The following SPHKAP variants were observed in gnomAD, a reference collection of about 807,000 sequenced individuals.
SPHKAP encodes A-kinase anchor protein SPHKAP.
Under a neutral mutation model 137.5 loss-of-function variants are expected in SPHKAP, and 67 were observed. The ratio of observed to expected loss-of-function variants is 0.49; its 90% confidence interval spans 0.40 to 0.60. SPHKAP has a LOEUF of 0.60. Ranked by LOEUF, SPHKAP falls within the 20% of genes least tolerant of loss-of-function variation. The probability of loss-of-function intolerance (pLI) is 0.00; values close to 1 mark genes in which losing one functional copy is unlikely to be tolerated. For missense variants in SPHKAP, 2,097 were observed against 2,069.3 expected, an observed-to-expected ratio of 1.01 and a Z score of -0.26; for synonymous variants, 813 against 785.3, an observed-to-expected ratio of 1.04 and a Z score of -0.59.
rs573680000 is a variant in SPHKAP at position 228,005,634 on chromosome 2, A to T, written c.4449-9940T>A. ...TTTTGCTCGTTAGTTGATGCAGTTT[A>T]TTCCTAGCATTGATGGTCTTTACAA... is the stretch of plus-strand genomic sequence containing the variant. On this transcript the variant is annotated intron_variant, in intron 7 of 11. Coordinates refer to ENST00000392056, the MANE Select transcript of SPHKAP (RefSeq NM_001142644.2). 1.2e-4 allele frequency among the ~76,000 whole-genome samples: 19 copies of T among 152,262 alleles called. No homozygotes were observed. In the South Asian group the frequency reaches 3.9e-3, roughly 32 times the overall value.
Position 228,018,554 on chromosome 2 carries a change from T to C in SPHKAP, c.2300A>G (p.Glu767Gly), listed in dbSNP as rs990327366. 4.3e-6 allele frequency: 7 copies of C among 1,613,774 alleles called. No homozygotes were observed. The African/African-American group carries it at 9.3e-5, about 22-fold the overall frequency. Residue 767 changes from glutamate to glycine, a missense_variant, in exon 7 of 12, where the codon GAA becomes GGA. Physicochemically the swap from Glu to Gly is moderately conservative, Grantham distance 98 (BLOSUM62 -2). Transcript: ENST00000392056. ...GCTAAGTGGAGAGCTGCTGGAGGAT[T>C]CAGTGGCTTTTGTCCAAGCTTGACT... ...GASQAWTKAT[E>G]SSSSSPLSNS...
chr2:228,046,063 C>A (rs1206448273), intron 3 of SPHKAP, among the ~76,000 whole-genome samples: 1 of 151,960 alleles, frequency 6.6e-6, no homozygotes, highest in African/African-American at 2.4e-5. Flanking sequence ...ATTTTAACTG[C>A]CTTCATCCCA....
intron 3 of SPHKAP, among the ~76,000 whole-genome samples, chr2:228,029,720 C>CATAT (rs1338396580): frequency 6.6e-6 from 1 of 152,126 alleles, no homozygotes; most frequent in Admixed American, 6.5e-5. Flanking sequence ...TGATAATATT[C>CATAT]ATATAATAAT....
intron 2 of SPHKAP, chr2:228,109,403 C>T (rs1311952566): frequency 2.0e-6 from 2 of 982,834 alleles, no homozygotes; most frequent in Admixed American, 6.2e-5. Flanking sequence ...AACTAGTGTA[C>T]AATTTTTCTA....
intron 1 of SPHKAP, among the ~76,000 whole-genome samples, chr2:228,176,920 C>A (rs942866489): frequency 8.5e-5 from 13 of 152,108 alleles, no homozygotes; most frequent in Admixed American, 6.5e-4. Context: ...AAACAAAAAA[C>A]CAAATACAAT....
rs144120319 is a variant in SPHKAP, at chr2:228,168,521, A to G, written c.32+13046T>C. Among the ~76,000 whole-genome samples the G allele has an allele frequency of 2.9e-3, 437 of 152,254 alleles. 1 individual carries two copies. Among genetic ancestry groups the G allele is most frequent in the African/African-American group, 1.0e-2 (415 of 41,542 alleles). On this transcript the variant is annotated intron_variant, in intron 1 of 11. Transcript: ENST00000392056. ...GTGATTAGTGATCTTTGATGTTACT[A>G]TTGTGATTATTTTGGGGCACCACAC...
At chr2:228,118,246 T>TG (rs1482027343) in intron 2 of SPHKAP, among the ~76,000 whole-genome samples, 4 of 65,324 alleles carry the variant, frequency 6.1e-5, no homozygotes, top group East Asian at 7.5e-4. Context: ...CACAGTTTTT[T>TG]TTTTTTTTTT....
intron 1 of SPHKAP, among the ~76,000 whole-genome samples, chr2:228,149,290 A>G (rs1005296558): frequency 2.0e-5 from 3 of 152,228 alleles, no homozygotes; most frequent in African/African-American, 7.2e-5. Flanking sequence ...GCAGATCAAT[A>G]GGATATTACT....
intron 1 of SPHKAP, among the ~76,000 whole-genome samples, chr2:228,175,968 A>G (rs1700727458): frequency 2.0e-5 from 3 of 152,232 alleles, no homozygotes. Flanking sequence ...GAGTTCATTC[A>G]GCATGATGGG....
chr2:228,027,598 T>G, intron 3 of SPHKAP, 55 bp from the exon 4 acceptor site: 1 of 1,559,866 alleles, frequency 6.4e-7, no homozygotes, highest in East Asian at 2.2e-5. Context: ...ACTGTCTTTT[T>G]AGAAGAAAGA....
chr2:228,159,453 C>G (rs970373202), intron 1 of SPHKAP, among the ~76,000 whole-genome samples: 1 of 152,116 alleles, frequency 6.6e-6, no homozygotes, highest in Non-Finnish European at 1.5e-5. Context: ...AACGCACCCA[C>G]AGAAGTTAGG....
intron 11 of SPHKAP, among the ~76,000 whole-genome samples, chr2:227,989,148 G>A (rs781754614): frequency 3.3e-4 from 50 of 152,114 alleles, no homozygotes; most frequent in Admixed American, 9.8e-4. Context: ...GCTAGATTTT[G>A]GCACTGAGAA....
chr2:227,984,531 G>A (rs1693140843), intron 11 of SPHKAP, among the ~76,000 whole-genome samples: 1 of 152,102 alleles, frequency 6.6e-6, no homozygotes, highest in Non-Finnish European at 1.5e-5. Context: ...ATAATTTTGT[G>A]AGCTGTTACT....
chr2:228,114,302 A>G (rs962002159), intron 2 of SPHKAP, among the ~76,000 whole-genome samples: 2 of 152,156 alleles, frequency 1.3e-5, no homozygotes, highest in Non-Finnish European at 2.9e-5. Context: ...TATATAGAGA[A>G]CCAAGTTGAA....
At chr2:228,121,185 G>A (rs181591860) in intron 2 of SPHKAP, among the ~76,000 whole-genome samples, 1 of 152,280 alleles carries the variant, frequency 6.6e-6, no homozygotes, top group East Asian at 1.9e-4. Context: ...CTTGAGTATT[G>A]GTGCATGCCT....
intron 3 of SPHKAP, among the ~76,000 whole-genome samples, chr2:228,051,932 CA>C (rs1212493588): frequency 6.6e-6 from 1 of 151,510 alleles, no homozygotes; most frequent in Non-Finnish European, 1.5e-5. Context: ...ATGACCTAAT[CA>C]ACCCCCAAAC....
intron 3 of SPHKAP, among the ~76,000 whole-genome samples, chr2:228,036,183 C>T (rs1429440378): frequency 1.3e-5 from 2 of 150,366 alleles, no homozygotes; most frequent in Non-Finnish European, 3.0e-5. Context: ...AACAAATTTA[C>T]AAGAAAAAAA....
intron 1 of SPHKAP, among the ~76,000 whole-genome samples, chr2:228,172,450 TTCA>T (rs955367573): frequency 1.5e-4 from 23 of 152,156 alleles, no homozygotes; most frequent in African/African-American, 5.1e-4. Flanking sequence ...TTCTTCCAAC[TTCA>T]TCGTCATATC....
intron 1 of SPHKAP, among the ~76,000 whole-genome samples, chr2:228,169,029 C>A (rs986674199): frequency 6.6e-6 from 1 of 152,146 alleles, no homozygotes; most frequent in African/African-American, 2.4e-5. Context: ...AAGGCCCTCA[C>A]TCTCTTCAAT....
Sources: gnomAD v4.1 joint callset for allele counts (sites outside exome capture counted in the v4.1 genomes callset) on GRCh38, gnomAD v4.1.1 for gene constraint, MANE v1.5 for transcripts, NCBI Gene and HGNC (gene_info 2026-07-23, HGNC 2026-07-21) for gene names.